PMP22: variants seen among roughly 807,000 people sequenced by gnomAD.
PMP22 encodes peripheral myelin protein 22.
A neutral mutation model predicts 18.9 loss-of-function variants in PMP22; 2 were observed. That is an observed-to-expected ratio of 0.11 (90% CI 0.04 to 0.33). PMP22 has a LOEUF of 0.33. PMP22 is among the 10% of genes least tolerant of loss of function. The pLI is 1.00. For synonymous variants in PMP22, 95 were observed against 89.2 expected (o/e 1.07, Z -0.37); for missense variants, 169 against 202.2 (o/e 0.84, Z 1.00).
At chr17:15,263,998 C>T (rs1909541362) in intron 1 of PMP22, among the ~76,000 whole-genome samples, 1 of 152,176 alleles carries the variant, frequency 6.6e-6, no homozygotes, top group Non-Finnish European at 1.5e-5. Context: ...TCAGTTTTCT[C>T]AGGTGCAAAA....
At chr17:15,238,485 T>C (rs1002749671) in intron 4 of PMP22, among the ~76,000 whole-genome samples, 5 of 152,192 alleles carry the variant, frequency 3.3e-5, no homozygotes, top group East Asian at 3.9e-4. Context: ...ATTGAGAACA[T>C]CTCCCAGTAC....
intron 3 of PMP22, among the ~76,000 whole-genome samples, chr17:15,245,904 T>G (rs959861524): frequency 6.6e-6 from 1 of 151,364 alleles, no homozygotes; most frequent in African/African-American, 2.4e-5. Flanking sequence ...TCCCAGCTAC[T>G]CTGGAGGCTG....
At chr17:15,257,263 C>A (rs1349929349) in intron 3 of PMP22, among the ~76,000 whole-genome samples, 1 of 152,228 alleles carries the variant, frequency 6.6e-6, no homozygotes, top group Non-Finnish European at 1.5e-5. Flanking sequence ...GCAGAAGACA[C>A]CAAATGTCAA....
At position 15,240,862 on chromosome 17, in the gene PMP22, A is replaced by G. The variant is rs10521299; in HGVS notation, c.179-1251T>C. Among the ~76,000 whole-genome samples, 1,560 of 152,308 alleles carry G rather than the reference A, an allele frequency of 0.01. 75 individuals are homozygous for G. The East Asian group carries it at 0.13, about 13-fold the overall frequency. The stretch of plus-strand genomic sequence containing the variant: ...GCTTCACCCAGTACTCACAGCTCTG[A>G]AATCTGGATGGTTTATAATTAGTAA... On this transcript the variant is annotated intron_variant, in intron 3 of 4. Transcript: ENST00000312280.
In PMP22 at chr17:15,230,965, CA is replaced by C. The variant is rs863225029; in HGVS notation, c.434del (p.Leu145ArgfsTer10). 6.2e-7 allele frequency: 1 copy of C among 1,614,164 alleles called. No individual in the cohort carries two copies. Among genetic ancestry groups the C allele is most frequent in the Admixed American group, 1.7e-5 (1 of 60,022 alleles). ...AYILAWVAFP[L>X]ALLSGVIYVI... is the part of the protein sequence containing the mutation. ...CATAGATGACACCGCTGAGAAGGGC[CA>C]GGGGGAAGGCCACCCAGGCCAGGAT... On this transcript the variant is annotated frameshift_variant, in exon 5 of 5. Transcript: ENST00000312280. LOFTEE classifies it high-confidence loss of function.
At chr17:15,262,637 G>C (rs907780587) in intron 1 of PMP22, 1 of 152,626 alleles carries the variant, frequency 6.6e-6, no homozygotes, top group Non-Finnish European at 1.5e-5. Context: ...GGGTCAGCGT[G>C]TGCGGGAGGG....
intron 1 of PMP22, among the ~76,000 whole-genome samples, chr17:15,263,760 T>A (rs1909525324): frequency 6.6e-6 from 1 of 152,232 alleles, no homozygotes; most frequent in African/African-American, 2.4e-5. Flanking sequence ...CTTCAAACAA[T>A]GATCTTTTTA....
At chr17:15,250,084 TTTG>T (rs1205605332) in intron 3 of PMP22, among the ~76,000 whole-genome samples, 4 of 152,010 alleles carry the variant, frequency 2.6e-5, no homozygotes, top group Non-Finnish European at 5.9e-5. Context: ...CCCGGCTAAT[TTTG>T]TTTTGTATTT....
chr17:15,249,574 G>A (rs1478347489), intron 3 of PMP22, among the ~76,000 whole-genome samples: 1 of 152,180 alleles, frequency 6.6e-6, no homozygotes, highest in Non-Finnish European at 1.5e-5. Flanking sequence ...GGCAAAGAGA[G>A]AGCGGCTTCC....
At chr17:15,237,785 C>A (rs1485201054) in intron 4 of PMP22, among the ~76,000 whole-genome samples, 1 of 152,094 alleles carries the variant, frequency 6.6e-6, no homozygotes, top group Non-Finnish European at 1.5e-5. Flanking sequence ...ATTTTTTTCA[C>A]ATCAGATGGG....
chr17:15,262,935 C>T (rs1909458580), intron 1 of PMP22, among the ~76,000 whole-genome samples: 1 of 152,050 alleles, frequency 6.6e-6, no homozygotes, highest in Admixed American at 6.5e-5. Context: ...GCCGACCGCG[C>T]CCGCGCGGGG....
At chr17:15,244,814 T>C (rs1907651535) in intron 3 of PMP22, among the ~76,000 whole-genome samples, 1 of 152,236 alleles carries the variant, frequency 6.6e-6, no homozygotes, top group South Asian at 2.1e-4. Flanking sequence ...CCCCAGGAAC[T>C]ACTGTTGCAA....
intron 2 of PMP22, among the ~76,000 whole-genome samples, chr17:15,259,528 T>C (rs1448013622): frequency 6.6e-6 from 1 of 152,194 alleles, no homozygotes; most frequent in East Asian, 1.9e-4. Context: ...TCCTTGTTTA[T>C]AGCTCCTATC....
chr17:15,248,586 TAGTA>T (rs1333504396), intron 3 of PMP22, among the ~76,000 whole-genome samples: 1 of 152,228 alleles, frequency 6.6e-6, no homozygotes, highest in African/African-American at 2.4e-5. Flanking sequence ...TACTGGATAA[TAGTA>T]AGCTGTCTGA....
intron 1 of PMP22, among the ~76,000 whole-genome samples, chr17:15,264,255 T>TAG (rs9303128): frequency 0.18 from 27,092 of 149,962 alleles, 2,556 homozygotes; most frequent in East Asian, 0.22. Context: ...GATAGATAGA[T>TAG]ATAGATAGAT....
chr17:15,241,536 C>T (rs1321336514), intron 3 of PMP22, among the ~76,000 whole-genome samples: 1 of 152,160 alleles, frequency 6.6e-6, no homozygotes, highest in Non-Finnish European at 1.5e-5. Flanking sequence ...TCCTGAGATA[C>T]TGTCTTCACC....
chr17:15,259,001 C>T, intron 3 of PMP22, 93 bp downstream of exon 3: 2 of 940,510 alleles, frequency 2.1e-6, no homozygotes, highest in East Asian at 2.5e-5. Flanking sequence ...GACATTCTGG[C>T]TTGTGTCTTC....
At chr17:15,255,949 G>GGCAA (rs1431356100) in intron 3 of PMP22, among the ~76,000 whole-genome samples, 1 of 152,076 alleles carries the variant, frequency 6.6e-6, no homozygotes, top group Non-Finnish European at 1.5e-5. Context: ...GGACCATCAA[G>GGCAA]GCAAGGCCCA....
chr17:15,235,307 T>G lies in PMP22; in HGVS notation c.319+4164A>C, dbSNP rs966028017. On this transcript the variant is annotated intron_variant, in intron 4 of 4. Transcript: ENST00000312280. ...ATTCTGCCGAGGAAACACAATTATCTAATCATCCAACCAATAATAGTTTTA... is the reference window on the plus strand; with the variant it reads ...ATTCTGCCGAGGAAACACAATTATCGAATCATCCAACCAATAATAGTTTTA... 4 of 717,418 alleles carry G rather than the reference T, an allele frequency of 5.6e-6. No individual in the cohort carries two copies. The African/African-American group carries it at 7.0e-5, about 13-fold the overall frequency. 44.4% of individuals were successfully genotyped at this position (717,418 alleles called of 1,614,324 possible).
Sources: gnomAD v4.1 joint callset for allele counts (sites outside exome capture counted in the v4.1 genomes callset) on GRCh38, gnomAD v4.1.1 for gene constraint, MANE v1.5 for transcripts, NCBI Gene and HGNC (gene_info 2026-07-23, HGNC 2026-07-21) for gene names.